Variants in COL28A1 observed in about 807,000 individuals in gnomAD.
The protein encoded by COL28A1 is collagen type XXVIII alpha 1 chain.
COL28A1 carries 161 observed loss-of-function variants against 150.2 expected under a neutral mutation model. The ratio of observed to expected loss-of-function variants is 1.07; its 90% CI spans 0.94 to 1.22. The LOEUF (loss-of-function observed/expected upper bound fraction) is 1.22, where lower values mean the gene tolerates loss of function less well. Ranked by LOEUF, COL28A1 falls within the 50% of genes most tolerant of loss-of-function variation. The probability of loss-of-function intolerance (pLI) is 0.00; values close to 1 mark genes in which losing one functional copy is unlikely to be tolerated. For synonymous variants in COL28A1, 552 were observed against 469.7 expected (o/e 1.18, Z -2.26); for missense variants, 1,617 against 1,388.3 (o/e 1.16, Z -2.62).
chr7:7,438,149 G>A (rs1343283680), intron 21 of COL28A1, among the ~76,000 whole-genome samples: 1 of 152,010 alleles, frequency 6.6e-6, no homozygotes, highest in Non-Finnish European at 1.5e-5. Flanking sequence ...CTACTCAAGA[G>A]GCTGAGGCAG....
intron 15 of COL28A1, among the ~76,000 whole-genome samples, chr7:7,465,465 A>G (rs376252989): frequency 0.018 from 2,409 of 137,462 alleles, 56 homozygotes; most frequent in African/African-American, 0.054. Context: ...CGCCCACGGA[A>G]TCTCGCTGAT....
At chr7:7,471,141 A>AG (rs1248116614) in intron 15 of COL28A1, among the ~76,000 whole-genome samples, 19 of 147,402 alleles carry the variant, frequency 1.3e-4, no homozygotes, top group South Asian at 8.5e-4. Flanking sequence ...AAAAAAAAAA[A>AG]AAAGAAAAGA....
intron 25 of COL28A1, among the ~76,000 whole-genome samples, chr7:7,425,770 C>A (rs1210811671): frequency 6.6e-6 from 1 of 152,072 alleles, no homozygotes; most frequent in Non-Finnish European, 1.5e-5. Flanking sequence ...ATTATTATCC[C>A]AAATCACAGA....
intron 6 of COL28A1, among the ~76,000 whole-genome samples, chr7:7,518,796 A>G (rs1283542187): frequency 6.6e-6 from 1 of 152,236 alleles, no homozygotes; most frequent in African/African-American, 2.4e-5. Context: ...AGAAAAAAAT[A>G]ATCCTCTGGA....
At chr7:7,377,970 G>A (rs759987705) in intron 30 of COL28A1, among the ~76,000 whole-genome samples, 3 of 152,074 alleles carry the variant, frequency 2.0e-5, no homozygotes, top group Non-Finnish European at 4.4e-5. Context: ...ATGACAGTGG[G>A]GCCATACTCT....
chr7:7,450,911 T>A lies in COL28A1; in HGVS notation c.1509+1408A>T, dbSNP rs754434478. On this transcript the variant is annotated intron_variant, in intron 18 of 34. Transcript: ENST00000399429. The stretch of plus-strand genomic sequence containing the variant: ...AAACATAAGGCTGACTATAAATATA[T>A]TGCAGAATGATATATCATGTAAAGT... Among the ~76,000 whole-genome samples, 16 of 152,282 alleles carry A rather than the reference T, an allele frequency of 1.1e-4. 1 individual carries two copies. The South Asian group carries it at 2.9e-3, about 28-fold the overall frequency.
intron 2 of COL28A1, 81 bp downstream of exon 2, chr7:7,532,671 A>C: frequency 4.6e-6 from 7 of 1,521,034 alleles, no homozygotes; most frequent in Non-Finnish European, 6.1e-6. Flanking sequence ...CTTGCTATTT[A>C]TATCAAATGC....
chr7:7,417,972 C>G (rs543619012), intron 26 of COL28A1, 45 bp from the exon 27 acceptor site: 1 of 1,515,860 alleles, frequency 6.6e-7, no homozygotes, highest in Non-Finnish European at 9.1e-7. Flanking sequence ...GTAAGAAGAT[C>G]GAAGAAGAAA....
intron 15 of COL28A1, among the ~76,000 whole-genome samples, chr7:7,463,932 G>A (rs1405859988): frequency 6.6e-6 from 1 of 152,048 alleles, no homozygotes; most frequent in Non-Finnish European, 1.5e-5. Context: ...AACACATAAG[G>A]ACTCACTTAA....
At chr7:7,541,668 G>A in the COL28A1 span, among the ~76,000 whole-genome samples, 13 of 152,112 alleles carry the variant, frequency 8.5e-5, no homozygotes, top group Admixed American at 2.0e-4. Flanking sequence ...AATTTTAATC[G>A]TCTGTGATGC....
rs772414651 is a variant in COL28A1, at chr7:7,417,830, G to A, written c.2136+29C>T. On this transcript the variant is annotated intron_variant, in intron 27 of 34. Coordinates refer to ENST00000399429, the MANE Select transcript of COL28A1 (RefSeq NM_001037763.3). ...CCCAATCACTCTGGTGAAATCAGAG[G>A]TGACTCCAGCACAACCCTATTCACT... The A allele has an allele frequency of 1.3e-6, 2 of 1,588,294 alleles. 1 individual carries two copies. The highest frequency in any genetic ancestry group is 2.2e-5 in the South Asian group (2 of 90,260).
At chr7:7,455,529 G>C (rs959566813) in intron 16 of COL28A1, among the ~76,000 whole-genome samples, 15 of 152,058 alleles carry the variant, frequency 9.9e-5, no homozygotes, top group African/African-American at 3.1e-4. Context: ...TCTGTGTTTT[G>C]CTTCTATTCC....
chr7:7,443,388 C>A (rs963624201), intron 20 of COL28A1, among the ~76,000 whole-genome samples, 197 bp downstream of exon 20: 1 of 151,932 alleles, frequency 6.6e-6, no homozygotes, highest in African/African-American at 2.4e-5. Flanking sequence ...CTGGGTCTTA[C>A]AATAGACGTT....
the COL28A1 span, among the ~76,000 whole-genome samples, chr7:7,543,096 A>C: frequency 6.6e-6 from 1 of 152,214 alleles, no homozygotes; most frequent in African/African-American, 2.4e-5. Flanking sequence ...TAATAATAAA[A>C]TACACAATAT....
chr7:7,424,617 CA>C (rs1784555819), intron 25 of COL28A1, among the ~76,000 whole-genome samples: 1 of 152,100 alleles, frequency 6.6e-6, no homozygotes, highest in Admixed American at 6.6e-5. Flanking sequence ...AGATAATGAA[CA>C]GACGTGCGAG....
At chr7:7,461,885 C>T (rs1194274706) in intron 15 of COL28A1, among the ~76,000 whole-genome samples, 1 of 152,144 alleles carries the variant, frequency 6.6e-6, no homozygotes, top group Non-Finnish European at 1.5e-5. Flanking sequence ...CCCATACTAC[C>T]ACAACTGATG....
At chr7:7,524,100 G>A in intron 4 of COL28A1, 129 bp downstream of exon 4, 1 of 691,014 alleles carries the variant, frequency 1.4e-6, no homozygotes, top group East Asian at 2.6e-5. Flanking sequence ...TCAGAATAGA[G>A]TGGCTCATTT....
intron 18 of COL28A1, among the ~76,000 whole-genome samples, chr7:7,445,829 A>G (rs977758540): frequency 6.6e-6 from 1 of 152,134 alleles, no homozygotes; most frequent in East Asian, 1.9e-4. Flanking sequence ...TAAACTTGAA[A>G]ACAAAAAGTA....
upstream of COL28A1, among the ~76,000 whole-genome samples, chr7:7,536,799 T>C (rs1372389066): frequency 6.6e-6 from 1 of 152,238 alleles, no homozygotes; most frequent in Non-Finnish European, 1.5e-5. Flanking sequence ...CTCCAATTCA[T>C]GGACACTTAC....
Sources: allele counts gnomAD v4.1 joint callset (sites outside exome capture counted in the v4.1 genomes callset), GRCh38; gene constraint gnomAD v4.1.1; transcripts MANE v1.5; gene names NCBI Gene and HGNC (gene_info 2026-07-23, HGNC 2026-07-21).